Variants in CAST observed in about 807,000 individuals in gnomAD.
The protein encoded by CAST is calpastatin.
CAST carries 76 observed loss-of-function variants against 119.6 expected under a neutral mutation model. The observed-to-expected ratio is 0.64, with a 90% CI of 0.53 to 0.77. The LOEUF (loss-of-function observed/expected upper bound fraction) is 0.77, where lower values mean the gene tolerates loss of function less well. Ranked by LOEUF, CAST falls within the 30% of genes least tolerant of loss-of-function variation. The pLI is 0.00. For missense variants in CAST, 953 were observed against 946.5 expected, an observed-to-expected ratio of 1.01 and a Z score of -0.09; for synonymous variants, 319 against 331.6, an observed-to-expected ratio of 0.96 and a Z score of 0.41.
At chr5:96,146,167 A>T in the CAST span, among the ~76,000 whole-genome samples, 1 of 152,228 alleles carries the variant, frequency 6.6e-6, no homozygotes, top group African/African-American at 2.4e-5. Flanking sequence ...CTATATAGCA[A>T]GGCTATGTGC....
At chr5:96,427,599 C>T in the CAST span, among the ~76,000 whole-genome samples, 1 of 152,110 alleles carries the variant, frequency 6.6e-6, no homozygotes, top group South Asian at 2.1e-4. Flanking sequence ...CACCCCTCCC[C>T]CACCAAATCA....
chr5:96,188,031 C>T, the CAST span, among the ~76,000 whole-genome samples: 6 of 152,202 alleles, frequency 3.9e-5, no homozygotes, highest in African/African-American at 1.4e-4. Context: ...GAGCCACTCA[C>T]CCACCTGGGA....
At chr5:96,249,503 C>G in the CAST span, among the ~76,000 whole-genome samples, 3 of 152,326 alleles carry the variant, frequency 2.0e-5, no homozygotes, top group East Asian at 3.9e-4. Flanking sequence ...GTGCCCTGCA[C>G]ATAGTAAAGA....
At chr5:96,170,146 C>T in the CAST span, among the ~76,000 whole-genome samples, 12 of 152,170 alleles carry the variant, frequency 7.9e-5, no homozygotes, top group East Asian at 1.9e-4. Context: ...CGGGCAGCAT[C>T]GGTCTTCAGC....
At chr5:96,670,629 C>A (rs1749942673) in intron 1 of CAST, among the ~76,000 whole-genome samples, 2 of 152,184 alleles carry the variant, frequency 1.3e-5, no homozygotes, top group Admixed American at 1.3e-4. Flanking sequence ...TCCGGAGTAG[C>A]TGGGACTACA....
At chr5:96,388,436 T>A in the CAST span, among the ~76,000 whole-genome samples, 11 of 152,106 alleles carry the variant, frequency 7.2e-5, no homozygotes, top group African/African-American at 2.2e-4. Flanking sequence ...TGGGGCACAC[T>A]CTCCTCACAG....
At chr5:96,395,070 A>G in the CAST span, 1 of 1,426,980 alleles carries the variant, frequency 7.0e-7, no homozygotes, top group Non-Finnish European at 9.9e-7. Context: ...TTTAGATAAT[A>G]TAAAACAAAC....
the CAST span, among the ~76,000 whole-genome samples, chr5:96,153,445 T>C: frequency 6.6e-6 from 1 of 152,204 alleles, no homozygotes; most frequent in Non-Finnish European, 1.5e-5. Context: ...TGGGCTGTCC[T>C]CTCTTCTGGT....
the CAST span, among the ~76,000 whole-genome samples, chr5:96,020,408 C>G: frequency 6.6e-6 from 1 of 152,162 alleles, no homozygotes; most frequent in Non-Finnish European, 1.5e-5. Context: ...AACCCCCGGG[C>G]CACAGACACC....
At chr5:95,990,160 G>T in the CAST span, among the ~76,000 whole-genome samples, 2 of 152,090 alleles carry the variant, frequency 1.3e-5, no homozygotes, top group East Asian at 1.9e-4. Flanking sequence ...AAATCTTGCT[G>T]ATGTGAACCA....
the CAST span, among the ~76,000 whole-genome samples, chr5:96,157,509 A>G: frequency 5.9e-3 from 896 of 152,362 alleles, 7 homozygotes; most frequent in Non-Finnish European, 9.7e-3. Context: ...TGTCCTTACT[A>G]TCTTTCCTAG....
chr5:96,717,588 G>A (rs1277951970), intron 3 of CAST, among the ~76,000 whole-genome samples: 1 of 152,192 alleles, frequency 6.6e-6, no homozygotes, highest in Non-Finnish European at 1.5e-5. Context: ...AGGAAACTGA[G>A]GCAGAGAGGT....
At chr5:96,438,713 T>C in the CAST span, among the ~76,000 whole-genome samples, 1 of 152,196 alleles carries the variant, frequency 6.6e-6, no homozygotes, top group Non-Finnish European at 1.5e-5. Context: ...TCTGATCACT[T>C]GGTTAAGATG....
the CAST span, among the ~76,000 whole-genome samples, chr5:96,152,976 T>A: frequency 6.6e-6 from 1 of 152,226 alleles, no homozygotes; most frequent in African/African-American, 2.4e-5. Context: ...GCATTTTAAA[T>A]TTTAAAAAAT....
chr5:96,527,428 C>T (rs1283678064), upstream of CAST, among the ~76,000 whole-genome samples: 1 of 151,728 alleles, frequency 6.6e-6, no homozygotes, highest in African/African-American at 2.4e-5. Flanking sequence ...GATTTTTTTT[C>T]CTTTCACCCT....
the CAST span, among the ~76,000 whole-genome samples, chr5:95,987,526 C>T: frequency 1.3e-5 from 2 of 152,068 alleles, no homozygotes. Flanking sequence ...TTTTGAAGAG[C>T]ACACCAACTA....
intron 20 of CAST, 100 bp from the exon 21 acceptor site, chr5:96,753,960 C>T: frequency 2.8e-6 from 2 of 711,770 alleles, no homozygotes; most frequent in Non-Finnish European, 5.1e-6. Flanking sequence ...TAGCGTGTGC[C>T]TTTTATCTGA....
At chr5:96,063,563 ATCTGAAGTCATACTGTTTCTTAG>A in the CAST span, among the ~76,000 whole-genome samples, 1 of 152,184 alleles carries the variant, frequency 6.6e-6, no homozygotes, top group Non-Finnish European at 1.5e-5. Flanking sequence ...CAAGGAATGC[ATCTGAAGTCATACTGTTTCTTAG>A]TCTGATAAAT....
At chr5:96,439,990 C>A in the CAST span, among the ~76,000 whole-genome samples, 13 of 151,914 alleles carry the variant, frequency 8.6e-5, no homozygotes, top group African/African-American at 3.1e-4. Context: ...AGAAGTGGCC[C>A]ACGGCACATT....
Sources: allele counts gnomAD v4.1 joint callset (sites outside exome capture counted in the v4.1 genomes callset), GRCh38; gene constraint gnomAD v4.1.1; transcripts MANE v1.5; gene names NCBI Gene and HGNC (gene_info 2026-07-23, HGNC 2026-07-21).